Variants in FBXO21 observed in about 807,000 individuals in gnomAD.
FBXO21 encodes the protein F-box protein 21.
Under a neutral mutation model 76.6 loss-of-function variants are expected in FBXO21, and 32 were observed. The observed-to-expected ratio is 0.42, with a 90% CI of 0.32 to 0.56. The LOEUF (loss-of-function observed/expected upper bound fraction) is 0.56, where lower values mean the gene tolerates loss of function less well. FBXO21 is among the 20% of genes least tolerant of loss of function. FBXO21 has a pLI of 0.16. For missense variants in FBXO21, 586 were observed against 797.3 expected (o/e 0.73, Z 3.19); for synonymous variants, 328 against 311.5 (o/e 1.05, Z -0.56).
At chr12:117,147,506 G>C (rs948400393) in intron 11 of FBXO21, among the ~76,000 whole-genome samples, 6 of 141,304 alleles carry the variant, frequency 4.2e-5, no homozygotes, top group Non-Finnish European at 9.0e-5. Flanking sequence ...GGCTGAGGCA[G>C]AGAACTGCTT....
chr12:117,185,091 AC>A (rs1346340194), intron 3 of FBXO21, among the ~76,000 whole-genome samples: 4 of 152,156 alleles, frequency 2.6e-5, no homozygotes, highest in Non-Finnish European at 5.9e-5. Flanking sequence ...TAAACACCAA[AC>A]CAAAACAACC....
intron 9 of FBXO21, 72 bp downstream of exon 9, chr12:117,165,413 T>A: frequency 1.4e-6 from 2 of 1,426,824 alleles, no homozygotes. Flanking sequence ...AAGATAAGCT[T>A]GTCACGGGCA....
chr12:117,158,226 G>C, intron 9 of FBXO21, 163 bp from the exon 10 acceptor site: 1 of 716,706 alleles, frequency 1.4e-6, no homozygotes. Flanking sequence ...ACCATCCTCT[G>C]ATGGACCGCC....
chr12:117,177,400 C>A, intron 4 of FBXO21, 120 bp downstream of exon 4: 2 of 989,898 alleles, frequency 2.0e-6, no homozygotes, highest in Non-Finnish European at 3.0e-6. Context: ...GAAGCCCACG[C>A]AACATGATTT....
rs2135839287 is a variant in FBXO21 at position 117,145,834 on chromosome 12, C to T, written c.*253G>A. 3.0e-6 allele frequency: 1 copy of T among 331,092 alleles called. No individual in the cohort carries two copies. Among genetic ancestry groups the T allele is most frequent in the Non-Finnish European group, 5.5e-6 (1 of 182,466 alleles). The allele number at this position is 331,092 out of a possible 1,614,324, so 20.5% of individuals were successfully genotyped here. Reference sequence around the variant, plus strand: ...AATGTCACAAACTGTCACCACAGGACAAGCATACAAGCCATGCCACTGACA... The same window carrying T: ...AATGTCACAAACTGTCACCACAGGATAAGCATACAAGCCATGCCACTGACA... On this transcript the variant is annotated 3_prime_UTR_variant, in exon 12 of 12. Transcript: ENST00000622495.
chr12:117,163,942 TCAAAAAAACAAAC>T (rs1956016918), intron 9 of FBXO21, among the ~76,000 whole-genome samples: 1 of 151,014 alleles, frequency 6.6e-6, no homozygotes, highest in Admixed American at 6.6e-5. Flanking sequence ...AGACTCCATT[TCAAAAAAACAAAC>T]CAAAAAAACC....
chr12:117,155,740 GCTGAAAACACGCCCGCGGGGCCA>G, intron 11 of FBXO21, 28 bp downstream of exon 11: 3 of 1,566,892 alleles, frequency 1.9e-6, no homozygotes, highest in Non-Finnish European at 2.6e-6. Context: ...TCAAACGTGC[GCTGAAAACACGCCCGCGGGGCCA>G]CTGGCACAAG....
intron 11 of FBXO21, among the ~76,000 whole-genome samples, chr12:117,150,474 C>T (rs1224738355): frequency 6.6e-6 from 1 of 152,218 alleles, no homozygotes; most frequent in East Asian, 1.9e-4. Flanking sequence ...ACATAGGCAG[C>T]TAGATACCCT....
chr12:117,176,124 T>C (rs1004876933), intron 4 of FBXO21, among the ~76,000 whole-genome samples: 1 of 152,218 alleles, frequency 6.6e-6, no homozygotes, highest in Non-Finnish European at 1.5e-5. Flanking sequence ...AGGTATACAG[T>C]GATCCTAACA....
chr12:117,165,716 C>T (rs1252149453), intron 8 of FBXO21, 99 bp from the exon 9 acceptor site: 2 of 1,234,604 alleles, frequency 1.6e-6, no homozygotes, highest in African/African-American at 1.5e-5. Flanking sequence ...GACACAAATC[C>T]CAAACGTTTT....
intron 6 of FBXO21, among the ~76,000 whole-genome samples, 185 bp from the exon 7 acceptor site, chr12:117,172,792 C>G (rs151067886): frequency 6.6e-6 from 1 of 152,050 alleles, no homozygotes; most frequent in African/African-American, 2.4e-5. Context: ...TCCAGTCCAC[C>G]GGCTATTTTT....
Position 117,169,220 on chromosome 12 carries a change from G to A in FBXO21, c.1014-2143C>T, listed in dbSNP as rs111901714. Among the ~76,000 whole-genome samples the A allele has an allele frequency of 6.4e-3, 973 of 152,216 alleles. 13 individuals carry two copies. The highest frequency in any genetic ancestry group is 0.022 in the African/African-American group (930 of 41,534). On this transcript the variant is annotated intron_variant, in intron 7 of 11. Coordinates refer to ENST00000622495, the MANE Select transcript of FBXO21 (RefSeq NM_015002.3). The stretch of plus-strand genomic sequence containing the variant: ...CATCATCCTTAGCAAACTAACAAAG[G>A]AACAGAAAACCAAAAACTGCGTGCT...
At chr12:117,181,559 G>C (rs981112326) in intron 3 of FBXO21, among the ~76,000 whole-genome samples, 3 of 151,066 alleles carry the variant, frequency 2.0e-5, no homozygotes, top group African/African-American at 7.3e-5. Context: ...CTATCTATCT[G>C]AGACAGTCTA....
chr12:117,166,152 T>G (rs193295493), intron 8 of FBXO21, among the ~76,000 whole-genome samples: 1 of 149,690 alleles, frequency 6.7e-6, no homozygotes, highest in Non-Finnish European at 1.5e-5. Flanking sequence ...ATCACGCCAT[T>G]GCACTCCAGT....
chr12:117,153,858 TATTA>T (rs913496483), intron 11 of FBXO21, among the ~76,000 whole-genome samples: 2 of 152,240 alleles, frequency 1.3e-5, no homozygotes, highest in Non-Finnish European at 2.9e-5. Flanking sequence ...AACAAGCAGA[TATTA>T]ATTTTTTCAG....
At chr12:117,167,813 C>G (rs1956072378) in intron 7 of FBXO21, among the ~76,000 whole-genome samples, 1 of 152,016 alleles carries the variant, frequency 6.6e-6, no homozygotes, top group African/African-American at 2.4e-5. Context: ...TGCTGACATG[C>G]TGAGGTGGTC....
At chr12:117,180,629 C>CT (rs879593190) in intron 3 of FBXO21, among the ~76,000 whole-genome samples, 6 of 150,096 alleles carry the variant, frequency 4.0e-5, no homozygotes, top group Admixed American at 6.6e-5. Flanking sequence ...GTTTTCATCA[C>CT]TTTTTTTTTT....
intron 5 of FBXO21, 147 bp from the exon 6 acceptor site, chr12:117,174,488 T>C (rs1956153810): frequency 2.5e-6 from 3 of 1,191,702 alleles, no homozygotes; most frequent in Admixed American, 2.0e-5. Context: ...CAGTATGTAT[T>C]TGAAGTGTTT....
intron 10 of FBXO21, among the ~76,000 whole-genome samples, chr12:117,157,044 G>A (rs1270451714): frequency 6.6e-6 from 1 of 152,048 alleles, no homozygotes; most frequent in Non-Finnish European, 1.5e-5. Context: ...TTAGCCAGGC[G>A]TGGTGGTGTG....
Sources: allele counts gnomAD v4.1 joint callset (sites outside exome capture counted in the v4.1 genomes callset), GRCh38; gene constraint gnomAD v4.1.1; transcripts MANE v1.5; gene names NCBI Gene and HGNC (gene_info 2026-07-23, HGNC 2026-07-21).